FER: variants seen among roughly 807,000 people sequenced by gnomAD.
The protein encoded by FER is tyrosine-protein kinase Fer.
In FER, 63 loss-of-function variants were observed where a neutral mutation model predicts 111.0. That is an observed-to-expected ratio of 0.57 (90% CI 0.46 to 0.70). The LOEUF (loss-of-function observed/expected upper bound fraction) is 0.70. Ranked by LOEUF, FER falls within the 30% of genes least tolerant of loss-of-function variation. The probability of loss-of-function intolerance (pLI) is 0.00; values close to 1 mark genes in which losing one functional copy is unlikely to be tolerated. For synonymous variants in FER, 327 were observed against 313.9 expected (o/e 1.04, Z -0.44); for missense variants, 914 against 954.0 (o/e 0.96, Z 0.55).
Position 108,795,293 on chromosome 5 carries a change from C to G in FER, c.-59-2831C>G, listed in dbSNP as rs559012737. Among the ~76,000 whole-genome samples the G allele has an allele frequency of 3.9e-5, 6 of 152,224 alleles. No individual in the cohort carries two copies. The South Asian group carries it at 8.3e-4, about 21-fold the overall frequency. ...TAAACTGTGATTGTGCCACTGTACT[C>G]TAGCCAGAGGGAGACCCTGTCTGGA... On this transcript the variant is annotated intron_variant, in intron 2 of 19. Coordinates refer to ENST00000281092, the MANE Select transcript of FER (RefSeq NM_005246.4).
intron 10 of FER, among the ~76,000 whole-genome samples, chr5:108,906,527 TAG>T (rs10612439): frequency 0.18 from 26,748 of 151,944 alleles, 2,581 homozygotes; most frequent in African/African-American, 0.24. Context: ...ATGACGTTAT[TAG>T]AGTTGATCAG....
At chr5:109,002,962 AC>A (rs1447178490) in intron 13 of FER, among the ~76,000 whole-genome samples, 2 of 152,196 alleles carry the variant, frequency 1.3e-5, no homozygotes, top group Non-Finnish European at 2.9e-5. Context: ...AAGTCAGGAA[AC>A]AACAGGTGCT....
intron 10 of FER, among the ~76,000 whole-genome samples, chr5:108,926,724 A>G (rs570581808): frequency 6.6e-6 from 1 of 152,338 alleles, no homozygotes; most frequent in East Asian, 1.9e-4. Context: ...TCACTTGGAG[A>G]CATACATATT....
intron 13 of FER, among the ~76,000 whole-genome samples, chr5:108,960,289 A>G (rs907315810): frequency 2.0e-5 from 3 of 152,114 alleles, no homozygotes; most frequent in Non-Finnish European, 4.4e-5. Context: ...TAATATCTAT[A>G]TTTGTACTTT....
chr5:109,112,509 C>A (rs1749747243), intron 17 of FER, among the ~76,000 whole-genome samples: 1 of 152,086 alleles, frequency 6.6e-6, no homozygotes, highest in African/African-American at 2.4e-5. Flanking sequence ...CTGGTGTGGG[C>A]CACTGCTTCA....
chr5:108,846,381 A>G (rs1164893435), intron 5 of FER, among the ~76,000 whole-genome samples: 1 of 151,998 alleles, frequency 6.6e-6, no homozygotes, highest in African/African-American at 2.4e-5. Context: ...ACGAAGTTAT[A>G]TGCCATTGTA....
chr5:109,007,072 T>G (rs1430836821), intron 13 of FER, among the ~76,000 whole-genome samples: 2 of 152,176 alleles, frequency 1.3e-5, no homozygotes, highest in African/African-American at 4.8e-5. Context: ...GGCATTATTT[T>G]TTAGATGGGT....
At chr5:108,846,676 G>A (rs943668083) in intron 5 of FER, among the ~76,000 whole-genome samples, 4 of 151,806 alleles carry the variant, frequency 2.6e-5, no homozygotes, top group East Asian at 3.9e-4. Flanking sequence ...TCTGCCTCCC[G>A]GGTTCACGCC....
intron 17 of FER, among the ~76,000 whole-genome samples, chr5:109,153,545 G>C (rs1245394732): frequency 6.6e-6 from 1 of 151,740 alleles, no homozygotes; most frequent in Non-Finnish European, 1.5e-5. Flanking sequence ...ATCTTGGGTG[G>C]GACAGTGGGA....
At chr5:109,120,804 C>T (rs912463893) in intron 17 of FER, among the ~76,000 whole-genome samples, 3 of 151,930 alleles carry the variant, frequency 2.0e-5, no homozygotes, top group Non-Finnish European at 4.4e-5. Context: ...TTATAGACAT[C>T]TTTTGCTTAT....
chr5:109,047,361 G>T (rs1772133001), intron 16 of FER, among the ~76,000 whole-genome samples, 163 bp downstream of exon 16: 1 of 152,050 alleles, frequency 6.6e-6, no homozygotes, highest in African/African-American at 2.4e-5. Flanking sequence ...ATTTTTATAG[G>T]CTGTAACACT....
intron 17 of FER, among the ~76,000 whole-genome samples, chr5:109,145,743 T>C (rs1754018160): frequency 1.3e-5 from 2 of 152,224 alleles, no homozygotes; most frequent in East Asian, 1.9e-4. Flanking sequence ...GGAGGCTGTA[T>C]GCATATAGAA....
At chr5:109,088,392 A>T (rs546120896) in intron 16 of FER, among the ~76,000 whole-genome samples, 1 of 152,188 alleles carries the variant, frequency 6.6e-6, no homozygotes, top group South Asian at 2.1e-4. Flanking sequence ...TTTTAAAAAG[A>T]TGGAATGTTA....
chr5:109,128,721 T>C (rs1319378454), intron 17 of FER, among the ~76,000 whole-genome samples: 2 of 152,124 alleles, frequency 1.3e-5, no homozygotes, highest in Non-Finnish European at 2.9e-5. Flanking sequence ...AAATAATAAA[T>C]ACACATATTA....
At chr5:108,968,218 T>C (rs1304626927) in intron 13 of FER, among the ~76,000 whole-genome samples, 1 of 151,952 alleles carries the variant, frequency 6.6e-6, no homozygotes, top group Admixed American at 6.6e-5. Flanking sequence ...AAAATGCTTT[T>C]TCTACTAAAA....
intron 13 of FER, among the ~76,000 whole-genome samples, chr5:108,963,704 A>C (rs1398024459): frequency 6.6e-6 from 1 of 152,190 alleles, no homozygotes; most frequent in Admixed American, 6.5e-5. Context: ...AGAATATTAG[A>C]GTTAGATTTG....
intron 8 of FER, 79 bp from the exon 9 acceptor site, chr5:108,883,317 A>G: frequency 7.5e-7 from 1 of 1,340,876 alleles, no homozygotes; most frequent in Non-Finnish European, 1.0e-6. Context: ...TTGCAACATA[A>G]GATGTATGAA....
At chr5:108,790,512 GA>G (rs1291968302) in intron 2 of FER, among the ~76,000 whole-genome samples, 3 of 152,130 alleles carry the variant, frequency 2.0e-5, no homozygotes, top group African/African-American at 7.2e-5. Flanking sequence ...TTTACTGCCT[GA>G]AATTCTAGGA....
intron 13 of FER, among the ~76,000 whole-genome samples, chr5:109,003,382 C>T (rs921949949): frequency 4.6e-5 from 7 of 152,054 alleles, no homozygotes; most frequent in Admixed American, 2.6e-4. Flanking sequence ...AACCAAACAC[C>T]GCATGTTCTC....
Sources: gnomAD v4.1 joint callset for allele counts (sites outside exome capture counted in the v4.1 genomes callset) on GRCh38, gnomAD v4.1.1 for gene constraint, MANE v1.5 for transcripts, NCBI Gene and HGNC (gene_info 2026-07-23, HGNC 2026-07-21) for gene names.